The following ADGRA3 variants were observed in gnomAD, a reference collection of about 807,000 sequenced individuals.
ADGRA3 encodes G-protein coupled receptor 125.
In ADGRA3, 56 loss-of-function variants were observed where a neutral mutation model predicts 119.8. That is an observed-to-expected ratio of 0.47 (90% CI 0.38 to 0.58). The LOEUF is 0.58. ADGRA3 is among the 20% of genes least tolerant of loss of function. The pLI is 0.00. For missense variants in ADGRA3, 1,516 were observed against 1,649.0 expected (o/e 0.92, Z 1.40); for synonymous variants, 607 against 623.8 (o/e 0.97, Z 0.40).
chr4:22,401,977 C>T (rs1156230716), intron 15 of ADGRA3, among the ~76,000 whole-genome samples: 1 of 152,096 alleles, frequency 6.6e-6, no homozygotes, highest in Admixed American at 6.5e-5. Context: ...CAATGCATTT[C>T]TTCCTGGACT....
chr4:22,436,742 T>G, intron 8 of ADGRA3, 101 bp from the exon 9 acceptor site: 1 of 977,290 alleles, frequency 1.0e-6, no homozygotes, highest in Non-Finnish European at 1.6e-6. Context: ...ATGTGTCATG[T>G]CAATACAACC....
At chr4:22,422,077 G>A (rs1266823881) in intron 11 of ADGRA3, among the ~76,000 whole-genome samples, 3 of 151,980 alleles carry the variant, frequency 2.0e-5, no homozygotes, top group African/African-American at 7.2e-5. Flanking sequence ...CCCACTCGCT[G>A]GAGGACAGAG....
At chr4:22,503,451 G>T (rs952404008) in intron 1 of ADGRA3, among the ~76,000 whole-genome samples, 2 of 152,162 alleles carry the variant, frequency 1.3e-5, no homozygotes, top group African/African-American at 2.4e-5. Flanking sequence ...CAGGCTTAAA[G>T]AAAGAACATT....
chr4:22,484,836 T>C (rs1022576802), intron 1 of ADGRA3, among the ~76,000 whole-genome samples: 2 of 152,058 alleles, frequency 1.3e-5, no homozygotes, highest in African/African-American at 4.8e-5. Context: ...ATCTGACTGT[T>C]GATGGCATCC....
At chr4:22,478,093 C>T (rs1262410681) in intron 1 of ADGRA3, 2 of 152,012 alleles carry the variant, frequency 1.3e-5, no homozygotes, top group Non-Finnish European at 2.9e-5. Flanking sequence ...ATGATGTTAC[C>T]GCCACATGAT....
Position 22,413,201 on chromosome 4 carries a change from C to CAT in ADGRA3, c.2212_2213insAT (p.Ser738AsnfsTer7). Reference sequence around the variant, plus strand: ...CCATACCATTAAAACTGCATAGTTACTAAGGGAGTAGCACTGAATCGTAGT... The same window carrying CAT: ...CCATACCATTAAAACTGCATAGTTACATTAAGGGAGTAGCACTGAATCGTAGT... On this transcript the variant is annotated frameshift_variant, in exon 14 of 19. Coordinates refer to ENST00000334304, the MANE Select transcript of ADGRA3 (RefSeq NM_145290.4). LOFTEE classifies it high-confidence loss of function. The CAT allele has an allele frequency of 6.2e-7, 1 of 1,612,908 alleles. No individual in the cohort carries two copies. Among genetic ancestry groups the CAT allele is most frequent in the Non-Finnish European group, 8.5e-7 (1 of 1,179,148 alleles).
intron 3 of ADGRA3, chr4:22,455,767 C>G: frequency 8.0e-7 from 1 of 1,256,112 alleles, no homozygotes; most frequent in Non-Finnish European, 1.0e-6. Flanking sequence ...AAAGTAAAAA[C>G]TTTATGTTGG....
chr4:22,407,203 G>A lies in ADGRA3; in HGVS notation c.2233-4404C>T, dbSNP rs10031762. Among the ~76,000 whole-genome samples the A allele has an allele frequency of 6.1e-3, 923 of 152,234 alleles. 15 individuals carry two copies. Among genetic ancestry groups the A allele is most frequent in the East Asian group, 0.045 (234 of 5,176 alleles). The stretch of plus-strand genomic sequence containing the variant: ...GAAGAATGGCGTGAACCTGGAAGGC[G>A]GAGCTTGCAGTGAGCCGAGATCAAG... On this transcript the variant is annotated intron_variant, in intron 14 of 18. Transcript: ENST00000334304.
At chr4:22,433,793 C>A (rs1479021982) in intron 10 of ADGRA3, among the ~76,000 whole-genome samples, 1 of 152,134 alleles carries the variant, frequency 6.6e-6, no homozygotes, top group Non-Finnish European at 1.5e-5. Flanking sequence ...TCTTAAGCAA[C>A]AATGGAGCAC....
chr4:22,467,070 T>C (rs991866914), intron 2 of ADGRA3, among the ~76,000 whole-genome samples: 1 of 152,214 alleles, frequency 6.6e-6, no homozygotes, highest in East Asian at 1.9e-4. Flanking sequence ...TCCATAAAAG[T>C]AGACAGTCAT....
At chr4:22,495,495 C>A (rs190451069) in intron 1 of ADGRA3, among the ~76,000 whole-genome samples, 4 of 152,128 alleles carry the variant, frequency 2.6e-5, no homozygotes, top group African/African-American at 7.3e-5. Context: ...AGGTGGGGGA[C>A]TACCATTTTG....
At chr4:22,393,397 G>GCCA (rs1471322460) in intron 16 of ADGRA3, 1 of 152,142 alleles carries the variant, frequency 6.6e-6, no homozygotes, top group African/African-American at 2.4e-5. Context: ...CAGGGTGAAG[G>GCCA]CCACAGCACA....
chr4:22,430,928 C>T (rs1411058262), intron 10 of ADGRA3, among the ~76,000 whole-genome samples: 1 of 152,186 alleles, frequency 6.6e-6, no homozygotes, highest in Non-Finnish European at 1.5e-5. Flanking sequence ...CAAGGTACAG[C>T]TTGGGCTGCT....
At chr4:22,395,963 G>A (rs1022192416) in intron 16 of ADGRA3, among the ~76,000 whole-genome samples, 1 of 152,142 alleles carries the variant, frequency 6.6e-6, no homozygotes, top group Non-Finnish European at 1.5e-5. Flanking sequence ...CCTAACAAGG[G>A]TGGGTGGCAC....
At chr4:22,460,551 C>T (rs902246339) in intron 3 of ADGRA3, among the ~76,000 whole-genome samples, 1 of 152,154 alleles carries the variant, frequency 6.6e-6, no homozygotes, top group Non-Finnish European at 1.5e-5. Context: ...ATATATTTGC[C>T]TTCCCACAAT....
At position 22,401,486 on chromosome 4, in the gene ADGRA3, C is replaced by T. The variant is rs773893970; in HGVS notation, c.2426G>A (p.Cys809Tyr). The change falls in exon 16 of 19, where the codon TGT (cysteine) becomes TAT (tyrosine). Residue 809 changes from cysteine to tyrosine, a missense_variant. Physicochemically the swap from Cys to Tyr is radical, Grantham distance 194. Around this residue, in one of 2 missense-constraint regions of ADGRA3, gnomAD observed 1,088 missense variants for 1,107.1 expected, o/e 0.98. Coordinates refer to ENST00000334304, the MANE Select transcript of ADGRA3 (RefSeq NM_145290.4). Reference protein sequence around the residue: ...VNLCFHIFLTCVVFVGGITQT... With the variant: ...VNLCFHIFLTYVVFVGGITQT... ...GGTTATTCCTCCCACAAAGACCACA[C>T]AGGTTAGGAAAATATGAAAGCACAA... 3 of 1,612,104 alleles carry T rather than the reference C, an allele frequency of 1.9e-6. No homozygotes were observed. The South Asian group carries it at 3.3e-5, about 18-fold the overall frequency.
chr4:22,473,804 G>T lies in ADGRA3; in HGVS notation c.297C>A (p.Gly99=). Residue 99 remains glycine (G), a synonymous_variant, in exon 2 of 19, where the codon GGC becomes GGA. Coordinates refer to ENST00000334304, the MANE Select transcript of ADGRA3 (RefSeq NM_145290.4). ...SNNKISELKN[G]SFSGLSLLER... ...CAAGGAGACTTAACCCAGAAAATGA[G>T]CCATTCTTCAGCTCGGATATCTTAT... The T allele has an allele frequency of 3.1e-6, 5 of 1,605,722 alleles. No individual in the cohort carries two copies. The highest frequency in any genetic ancestry group is 4.3e-6 in the Non-Finnish European group (5 of 1,174,820).
At chr4:22,509,985 G>A (rs1311774990) in intron 1 of ADGRA3, among the ~76,000 whole-genome samples, 32 of 148,490 alleles carry the variant, frequency 2.2e-4, no homozygotes, top group Non-Finnish European at 3.0e-5. Context: ...ACTCCAGCCT[G>A]GGCGACAGAG....
At chr4:22,502,538 AAG>A (rs1013345957) in intron 1 of ADGRA3, among the ~76,000 whole-genome samples, 1 of 152,192 alleles carries the variant, frequency 6.6e-6, no homozygotes, top group Non-Finnish European at 1.5e-5. Flanking sequence ...TCACTTAAGA[AAG>A]AGTGGTCATT....
Sources: gnomAD v4.1 joint callset for allele counts (sites outside exome capture counted in the v4.1 genomes callset) on GRCh38, gnomAD v4.1.1 for gene constraint, gnomAD v4.1.1 regional missense constraint, MANE v1.5 for transcripts, NCBI Gene and HGNC (gene_info 2026-07-23, HGNC 2026-07-21) for gene names.